The following LRP1B variants were observed in gnomAD, a reference collection of about 807,000 sequenced individuals.
LRP1B encodes low-density lipoprotein receptor-related protein 1B.
A neutral mutation model predicts 556.6 loss-of-function variants in LRP1B; 217 were observed. That is an observed-to-expected ratio of 0.39 (90% CI 0.35 to 0.44). The LOEUF is 0.44. Ranked by LOEUF, LRP1B falls within the 20% of genes least tolerant of loss-of-function variation. LRP1B has a pLI of 1.00. For synonymous variants in LRP1B, 2,047 were observed against 1,865.8 expected (o/e 1.10, Z -2.50); for missense variants, 5,053 against 5,620.8 (o/e 0.90, Z 3.23).
At chr2:140,584,465 T>C (rs1453731596) in intron 43 of LRP1B, among the ~76,000 whole-genome samples, 1 of 152,030 alleles carries the variant, frequency 6.6e-6, no homozygotes, top group Non-Finnish European at 1.5e-5. Context: ...GATGAATTTA[T>C]ACAATGAGGC....
intron 1 of LRP1B, among the ~76,000 whole-genome samples, chr2:142,090,637 A>G (rs1201740422): frequency 6.6e-6 from 1 of 152,170 alleles, no homozygotes; most frequent in Non-Finnish European, 1.5e-5. Flanking sequence ...AATTATTTAT[A>G]TGAATCATAT....
chr2:140,575,482 TG>T (rs1322300936), intron 43 of LRP1B, among the ~76,000 whole-genome samples: 1 of 152,218 alleles, frequency 6.6e-6, no homozygotes, highest in Non-Finnish European at 1.5e-5. Flanking sequence ...ATGGCATTTT[TG>T]TTAACCATGC....
intron 84 of LRP1B, among the ~76,000 whole-genome samples, chr2:140,280,369 G>A (rs904275423): frequency 6.6e-6 from 1 of 151,608 alleles, no homozygotes; most frequent in African/African-American, 2.4e-5. Context: ...TATAAAGAAG[G>A]GATTCAAGAT....
chr2:141,786,060 G>C (rs887491009), intron 2 of LRP1B, among the ~76,000 whole-genome samples: 3 of 151,848 alleles, frequency 2.0e-5, no homozygotes, highest in African/African-American at 7.3e-5. Flanking sequence ...CCTCTATAAA[G>C]GGGATAGCTA....
intron 83 of LRP1B, among the ~76,000 whole-genome samples, chr2:140,304,029 T>C (rs1320352089): frequency 6.6e-6 from 1 of 152,216 alleles, no homozygotes; most frequent in Non-Finnish European, 1.5e-5. Flanking sequence ...ATAGTGTATA[T>C]GTGCCACATT....
intron 43 of LRP1B, among the ~76,000 whole-genome samples, chr2:140,574,004 A>G (rs1459017825): frequency 6.6e-6 from 1 of 152,110 alleles, no homozygotes; most frequent in East Asian, 1.9e-4. Context: ...AGATTTGAGG[A>G]TAACGGGAAT....
At chr2:141,497,138 G>A (rs1683537212) in intron 2 of LRP1B, among the ~76,000 whole-genome samples, 1 of 151,952 alleles carries the variant, frequency 6.6e-6, no homozygotes, top group African/African-American at 2.4e-5. Flanking sequence ...ATTAGAAGTA[G>A]AAATATATAA....
At chr2:140,316,939 T>C (rs1684547572) in intron 82 of LRP1B, among the ~76,000 whole-genome samples, 1 of 152,106 alleles carries the variant, frequency 6.6e-6, no homozygotes, top group African/African-American at 2.4e-5. Flanking sequence ...GATATGTTCA[T>C]TTGTTAAAGT....
chr2:141,806,418 T>C (rs547056784), intron 2 of LRP1B, among the ~76,000 whole-genome samples: 217 of 152,124 alleles, frequency 1.4e-3, no homozygotes, highest in Non-Finnish European at 1.6e-3. Flanking sequence ...ACTTGAAAAA[T>C]TATTTTAAAT....
chr2:141,161,551 C>A (rs1474650538), intron 7 of LRP1B, among the ~76,000 whole-genome samples: 1 of 152,112 alleles, frequency 6.6e-6, no homozygotes, highest in African/African-American at 2.4e-5. Context: ...TCTATTGGGT[C>A]TCACACTTCC....
chr2:141,788,226 C>T (rs962962156), intron 2 of LRP1B, among the ~76,000 whole-genome samples: 5 of 151,948 alleles, frequency 3.3e-5, no homozygotes, highest in African/African-American at 9.7e-5. Flanking sequence ...AGCTACACAC[C>T]GTCTGAAATC....
chr2:140,767,001 C>T (rs1573689335), intron 35 of LRP1B, among the ~76,000 whole-genome samples: 2 of 151,604 alleles, frequency 1.3e-5, no homozygotes, highest in African/African-American at 4.8e-5. Flanking sequence ...AACATGCCCA[C>T]ACCCCAAAAA....
At chr2:142,085,285 A>G (rs776577593) in intron 1 of LRP1B, among the ~76,000 whole-genome samples, 6 of 152,160 alleles carry the variant, frequency 3.9e-5, no homozygotes, top group Non-Finnish European at 8.8e-5. Context: ...GATTATCTGC[A>G]TCTTCTAACA....
chr2:141,579,310 T>C (rs1044934661), intron 2 of LRP1B, among the ~76,000 whole-genome samples: 2 of 152,176 alleles, frequency 1.3e-5, no homozygotes, highest in African/African-American at 4.8e-5. Flanking sequence ...ATTTATCACA[T>C]TCACAACCAT....
chr2:140,455,659 G>A (rs1167584577), intron 62 of LRP1B, among the ~76,000 whole-genome samples: 1 of 152,106 alleles, frequency 6.6e-6, no homozygotes, highest in Non-Finnish European at 1.5e-5. Flanking sequence ...AAGGCAAGCT[G>A]AGCTAAATTT....
chr2:142,043,346 T>C (rs1482171866), intron 1 of LRP1B, among the ~76,000 whole-genome samples: 2 of 151,608 alleles, frequency 1.3e-5, no homozygotes, highest in East Asian at 3.9e-4. Context: ...AGACTCCTTA[T>C]GGTATGATAG....
chr2:141,953,869 C>T (rs950827929), intron 1 of LRP1B, among the ~76,000 whole-genome samples: 3 of 152,078 alleles, frequency 2.0e-5, no homozygotes, highest in African/African-American at 4.8e-5. Context: ...TATTGTAAAA[C>T]ACTGTGGTAA....
intron 84 of LRP1B, among the ~76,000 whole-genome samples, chr2:140,280,056 A>G (rs1682851684): frequency 6.6e-6 from 1 of 151,820 alleles, no homozygotes; most frequent in Non-Finnish European, 1.5e-5. Flanking sequence ...CACTTTTGCT[A>G]AGTGAAATGT....
intron 6 of LRP1B, among the ~76,000 whole-genome samples, chr2:141,200,880 T>G (rs1681984573): frequency 6.6e-6 from 1 of 152,170 alleles, no homozygotes; most frequent in Non-Finnish European, 1.5e-5. Flanking sequence ...CATACTTGTA[T>G]TTTTGCAATA....
Sources: gnomAD v4.1 joint callset for allele counts (sites outside exome capture counted in the v4.1 genomes callset) on GRCh38, gnomAD v4.1.1 for gene constraint, MANE v1.5 for transcripts, NCBI Gene and HGNC (gene_info 2026-07-23, HGNC 2026-07-21) for gene names.